The following ZC3H12B variants were observed in gnomAD, a reference collection of about 807,000 sequenced individuals.
ZC3H12B encodes the protein zinc finger CCCH-type containing 12B.
In ZC3H12B, 7 loss-of-function variants were observed where a neutral mutation model predicts 43.9. The observed-to-expected ratio is 0.16, with a 90% CI of 0.09 to 0.30. The LOEUF is 0.30. Ranked by LOEUF, ZC3H12B falls within the 10% of genes least tolerant of loss-of-function variation. ZC3H12B has a pLI of 1.00. For synonymous variants in ZC3H12B, 222 were observed against 241.7 expected, an observed-to-expected ratio of 0.92 and a Z score of 0.76; for missense variants, 475 against 670.2, an observed-to-expected ratio of 0.71 and a Z score of 3.22.
the ZC3H12B span, among the ~76,000 whole-genome samples, chrX:65,232,667 A>G: frequency 8.9e-6 from 1 of 111,982 alleles, no homozygotes; most frequent in Non-Finnish European, 1.9e-5. Flanking sequence ...AAAGGAGGAC[A>G]AGAAGGAAGG....
chrX:65,442,097 A>G (rs1395511762), intron 3 of ZC3H12B, among the ~76,000 whole-genome samples: 3 of 106,765 alleles, frequency 2.8e-5, no homozygotes, highest in Non-Finnish European at 5.8e-5. Flanking sequence ...AGTTAAAACA[A>G]GCTCCAGGAA....
the ZC3H12B span, among the ~76,000 whole-genome samples, chrX:65,108,265 T>A: frequency 9.0e-6 from 1 of 111,582 alleles, no homozygotes; most frequent in South Asian, 3.7e-4. Flanking sequence ...TTACTATAAC[T>A]TTTAACTTCG....
At chrX:65,074,994 G>T in the ZC3H12B span, among the ~76,000 whole-genome samples, 1 of 111,718 alleles carries the variant, frequency 9.0e-6, no homozygotes, top group South Asian at 3.7e-4. Context: ...ATGTTTCCTT[G>T]TTTCTTTGCT....
At chrX:65,376,093 C>G (rs1218354387) in intron 2 of ZC3H12B, among the ~76,000 whole-genome samples, 1 of 111,788 alleles carries the variant, frequency 8.9e-6, no homozygotes, top group East Asian at 2.8e-4. Flanking sequence ...TCAAGCCTGG[C>G]AACATTCACC....
the ZC3H12B span, among the ~76,000 whole-genome samples, chrX:65,345,359 T>C: frequency 1.8e-5 from 2 of 112,236 alleles, no homozygotes; most frequent in Non-Finnish European, 3.8e-5. Flanking sequence ...TGGAATGCTA[T>C]GCAGCCATAA....
chrX:65,137,953 C>T, the ZC3H12B span, among the ~76,000 whole-genome samples: 5 of 111,975 alleles, frequency 4.5e-5, no homozygotes, highest in South Asian at 1.9e-3. Flanking sequence ...CTCAGTCCCC[C>T]GAGTAGCTGG....
chrX:65,051,283 C>CA, the ZC3H12B span, among the ~76,000 whole-genome samples: 3 of 110,933 alleles, frequency 2.7e-5, no homozygotes, highest in African/African-American at 9.8e-5. Context: ...TTTATCTTTT[C>CA]AAAAAAGCGC....
At chrX:65,327,304 G>A in the ZC3H12B span, among the ~76,000 whole-genome samples, 3 of 111,122 alleles carry the variant, frequency 2.7e-5, no homozygotes, top group African/African-American at 9.8e-5. Flanking sequence ...TCGATATATA[G>A]ATATACATAC....
At chrX:65,269,340 T>C in the ZC3H12B span, among the ~76,000 whole-genome samples, 2 of 104,078 alleles carry the variant, frequency 1.9e-5, no homozygotes, top group African/African-American at 7.1e-5. Context: ...CAAGACTCTG[T>C]CTCAAAAACA....
At chrX:65,356,266 T>A in the ZC3H12B span, among the ~76,000 whole-genome samples, 1 of 111,853 alleles carries the variant, frequency 8.9e-6, no homozygotes, top group African/African-American at 3.2e-5. Context: ...CAGATAATGT[T>A]TAAAGAGCTT....
chrX:65,163,206 C>T, the ZC3H12B span, among the ~76,000 whole-genome samples: 1 of 111,415 alleles, frequency 9.0e-6, no homozygotes, highest in Non-Finnish European at 1.9e-5. Flanking sequence ...TTAGGTTGCT[C>T]GGGGGTCAGG....
the ZC3H12B span, among the ~76,000 whole-genome samples, chrX:65,315,070 G>A: frequency 2.7e-5 from 3 of 110,862 alleles, no homozygotes; most frequent in South Asian, 3.8e-4. Context: ...TCTTAAAACA[G>A]GGAATAGAGG....
At chrX:65,470,301 A>T (rs756617488) in intron 3 of ZC3H12B, 21 of 117,029 alleles carry the variant, frequency 1.8e-4, no homozygotes, top group African/African-American at 2.3e-4. Flanking sequence ...ATATATGAAG[A>T]TCATCGAGAA....
intron 3 of ZC3H12B, among the ~76,000 whole-genome samples, chrX:65,413,724 C>G (rs1342392354): frequency 1.8e-5 from 2 of 111,771 alleles, no homozygotes; most frequent in Non-Finnish European, 3.8e-5. Flanking sequence ...AGTCCTCCAA[C>G]TTTTTTCTTA....
At chrX:65,110,644 A>G in the ZC3H12B span, among the ~76,000 whole-genome samples, 5 of 111,255 alleles carry the variant, frequency 4.5e-5, no homozygotes, top group Non-Finnish European at 9.5e-5. Flanking sequence ...CACAATCTTG[A>G]TTACTGTTCG....
chrX:65,314,243 A>C, the ZC3H12B span, among the ~76,000 whole-genome samples: 1 of 111,713 alleles, frequency 9.0e-6, no homozygotes, highest in Admixed American at 9.5e-5. Context: ...AGTACAAAAA[A>C]AAATTTGAAG....
the ZC3H12B span, among the ~76,000 whole-genome samples, chrX:65,148,443 G>T: frequency 9.0e-6 from 1 of 111,518 alleles, no homozygotes; most frequent in Non-Finnish European, 1.9e-5. Context: ...CTGGTCCTGG[G>T]GCATGCCTAG....
At chrX:65,190,509 T>G in the ZC3H12B span, among the ~76,000 whole-genome samples, 1 of 108,982 alleles carries the variant, frequency 9.2e-6, no homozygotes, top group African/African-American at 3.4e-5. Context: ...GAAGAGGTCC[T>G]TCACATCCCT....
the ZC3H12B span, among the ~76,000 whole-genome samples, chrX:65,101,616 T>C: frequency 8.9e-6 from 1 of 112,067 alleles, no homozygotes. Flanking sequence ...TAAACACCTC[T>C]ACACAAATAA....
Sources: gnomAD v4.1 joint callset for allele counts (sites outside exome capture counted in the v4.1 genomes callset) on GRCh38, gnomAD v4.1.1 for gene constraint, MANE v1.5 for transcripts, NCBI Gene and HGNC (gene_info 2026-07-23, HGNC 2026-07-21) for gene names.